The following VMP1 variants were observed in gnomAD, a reference collection of about 807,000 sequenced individuals.
The protein encoded by VMP1 is ectopic P-granules autophagy protein 3 homolog.
In VMP1, 11 loss-of-function variants were observed where a neutral mutation model predicts 56.0. The observed-to-expected ratio is 0.20, with a 90% confidence interval of 0.12 to 0.32. The LOEUF (loss-of-function observed/expected upper bound fraction) is 0.32, where lower values mean the gene tolerates loss of function less well. Ranked by LOEUF, VMP1 falls within the 10% of genes least tolerant of loss-of-function variation. The pLI is 1.00. For synonymous variants in VMP1, 149 were observed against 165.0 expected (o/e 0.90, Z 0.74); for missense variants, 296 against 490.3 (o/e 0.60, Z 3.74).
intron 5 of VMP1, among the ~76,000 whole-genome samples, chr17:59,754,549 C>T (rs1405202563): frequency 1.3e-5 from 2 of 152,136 alleles, no homozygotes; most frequent in African/African-American, 4.8e-5. Context: ...CTTTATTGCT[C>T]ATTTGTCTAT....
In VMP1 at chr17:59,807,358, C is replaced by T. The variant is rs1003478416; in HGVS notation, c.715-1438C>T. Among the ~76,000 whole-genome samples, 13 of 151,794 alleles carry T rather than the reference C, an allele frequency of 8.6e-5. No homozygotes were observed. In the East Asian group the frequency reaches 1.2e-3, roughly 14 times the overall value. ...GACTACAGGCGCCTGCCAGCACGCC[C>T]GGCTAATTTTTTGTATTTTTAGTAG... On this transcript the variant is annotated intron_variant, in intron 7 of 11. Transcript: ENST00000262291.
chr17:59,799,397 G>C (rs982434502), intron 7 of VMP1, among the ~76,000 whole-genome samples: 1 of 152,128 alleles, frequency 6.6e-6, no homozygotes, highest in Non-Finnish European at 1.5e-5. Flanking sequence ...TAAGCCATCA[G>C]CTGGATGTTA....
At chr17:59,808,727 C>A in intron 7 of VMP1, 69 bp from the exon 8 acceptor site, 2 of 1,294,832 alleles carry the variant, frequency 1.5e-6, no homozygotes, top group Non-Finnish European at 2.2e-6. Flanking sequence ...CTTTAATAAA[C>A]TCTAGAAAGA....
chr17:59,766,426 C>T (rs1157246579), intron 6 of VMP1, among the ~76,000 whole-genome samples: 2 of 152,104 alleles, frequency 1.3e-5, no homozygotes, highest in Admixed American at 6.6e-5. Flanking sequence ...ATTGCTTGAA[C>T]CCAGGAAGTA....
At chr17:59,792,407 G>A (rs944499050) in intron 7 of VMP1, among the ~76,000 whole-genome samples, 1 of 152,122 alleles carries the variant, frequency 6.6e-6, no homozygotes, top group Non-Finnish European at 1.5e-5. Context: ...ACAGTTTTGT[G>A]AATTCCATAC....
chr17:59,799,945 C>CAAA (rs11288012), intron 7 of VMP1, among the ~76,000 whole-genome samples: 1 of 110,332 alleles, frequency 9.1e-6, no homozygotes, highest in African/African-American at 3.5e-5. Context: ...GACTTCCTCT[C>CAAA]AAAAAAAAAA....
intron 7 of VMP1, among the ~76,000 whole-genome samples, chr17:59,788,418 C>T (rs533020691): frequency 7.8e-4 from 117 of 150,554 alleles, no homozygotes; most frequent in Non-Finnish European, 1.4e-3. Flanking sequence ...ACCCGGGAGG[C>T]GTACATTTTA....
chr17:59,796,258 C>A (rs937016257), intron 7 of VMP1, among the ~76,000 whole-genome samples: 2 of 152,210 alleles, frequency 1.3e-5, no homozygotes, highest in African/African-American at 4.8e-5. Flanking sequence ...ATCACCTTTT[C>A]TCTGAAGCCT....
At chr17:59,792,657 G>T (rs556169903) in intron 7 of VMP1, among the ~76,000 whole-genome samples, 20 of 151,278 alleles carry the variant, frequency 1.3e-4, no homozygotes, top group African/African-American at 4.8e-4. Context: ...CTGAGGTCAA[G>T]AGTTCGAGAC....
chr17:59,760,269 C>G (rs1459541311), intron 5 of VMP1, among the ~76,000 whole-genome samples: 1 of 152,096 alleles, frequency 6.6e-6, no homozygotes, highest in Non-Finnish European at 1.5e-5. Context: ...TTCCTCCTCC[C>G]ATAATTTATA....
intron 5 of VMP1, among the ~76,000 whole-genome samples, chr17:59,761,047 C>T (rs1027549738): frequency 1.5e-4 from 23 of 152,032 alleles, no homozygotes; most frequent in Middle Eastern, 3.2e-3. Flanking sequence ...GGATTATAGG[C>T]ACTTGCCACC....
chr17:59,801,148 GTA>G (rs1555623923), intron 7 of VMP1, among the ~76,000 whole-genome samples: 3 of 136,312 alleles, frequency 2.2e-5, no homozygotes, highest in Non-Finnish European at 3.1e-5. Context: ...GTGTGTGTGT[GTA>G]TGGCACATAC....
intron 7 of VMP1, among the ~76,000 whole-genome samples, chr17:59,798,346 T>G (rs1232311835): frequency 6.6e-6 from 1 of 152,146 alleles, no homozygotes; most frequent in Non-Finnish European, 1.5e-5. Context: ...AAATTTGTGT[T>G]GATCAGTTCT....
At chr17:59,742,876 C>T (rs949418753) in intron 5 of VMP1, among the ~76,000 whole-genome samples, 1 of 152,140 alleles carries the variant, frequency 6.6e-6, no homozygotes, top group Non-Finnish European at 1.5e-5. Context: ...CTTGCATGCT[C>T]TTTATGAAAA....
intron 10 of VMP1, chr17:59,837,552 C>T (rs536682962): frequency 6.6e-6 from 1 of 152,266 alleles, no homozygotes; most frequent in South Asian, 2.1e-4. Flanking sequence ...GATCACTATC[C>T]CAATCATCTC....
At chr17:59,735,203 C>T in intron 2 of VMP1, 135 bp from the exon 3 acceptor site, 1 of 1,185,566 alleles carries the variant, frequency 8.4e-7, no homozygotes, top group South Asian at 1.7e-5. Context: ...CTACTAGTTG[C>T]CATTTTTCAC....
chr17:59,737,563 T>A lies in VMP1; in HGVS notation c.303+20T>A. On this transcript the variant is annotated intron_variant, in intron 4 of 11. Coordinates refer to ENST00000262291, the MANE Select transcript of VMP1 (RefSeq NM_030938.5). ...CAACAGGTGAGAGGTCGAGCAATTC[T>A]GTTTCTAGTCTTGCACATTCTCTAA... 6.3e-7 allele frequency: 1 copy of A among 1,588,190 alleles called. No individual in the cohort carries two copies. Among genetic ancestry groups the A allele is most frequent in the Non-Finnish European group, 8.6e-7 (1 of 1,167,830 alleles).
chr17:59,785,732 T>C (rs979158000), intron 7 of VMP1, among the ~76,000 whole-genome samples: 5 of 151,944 alleles, frequency 3.3e-5, no homozygotes, highest in Non-Finnish European at 2.9e-5. Context: ...TCAGTTTTTT[T>C]CCTCTATTTT....
chr17:59,813,526 G>A (rs1237497229), intron 9 of VMP1, among the ~76,000 whole-genome samples: 1 of 149,582 alleles, frequency 6.7e-6, no homozygotes. Flanking sequence ...GCGGTGAGCC[G>A]AGATCGTGCC....
Sources: allele counts gnomAD v4.1 joint callset (sites outside exome capture counted in the v4.1 genomes callset), GRCh38; gene constraint gnomAD v4.1.1; transcripts MANE v1.5; gene names NCBI Gene and HGNC (gene_info 2026-07-23, HGNC 2026-07-21).